The following PLA2G4E variants were observed in gnomAD, a reference collection of about 807,000 sequenced individuals.
PLA2G4E encodes the protein cytosolic phospholipase A2 epsilon.
Under a neutral mutation model 109.1 loss-of-function variants are expected in PLA2G4E, and 84 were observed. The ratio of observed to expected loss-of-function variants is 0.77; its 90% CI spans 0.65 to 0.92. The LOEUF is 0.92. Among genes scored for constraint, PLA2G4E ranks in the 40% least tolerant of loss-of-function variants. The pLI is 0.00. For missense variants in PLA2G4E, 1,057 were observed against 1,076.6 expected, an observed-to-expected ratio of 0.98 and a Z score of 0.25; for synonymous variants, 469 against 436.1, an observed-to-expected ratio of 1.08 and a Z score of -0.94.
intron 1 of PLA2G4E, among the ~76,000 whole-genome samples, chr15:42,036,260 C>T (rs1195273105): frequency 6.6e-6 from 1 of 152,214 alleles, no homozygotes; most frequent in Non-Finnish European, 1.5e-5. Flanking sequence ...TGGGGCTGGG[C>T]CAGGTCGCCC....
rs376699673 is a variant in PLA2G4E at position 42,035,992 on chromosome 15, A to G, written c.183+14529T>C. On this transcript the variant is annotated intron_variant, in intron 1 of 19. Transcript: ENST00000399518. ...TACAAATATCCATTCTGCTATAAACATGTTTTTTTTCTCTACTTTACATTA... is the reference window on the plus strand; with the variant it reads ...TACAAATATCCATTCTGCTATAAACGTGTTTTTTTTCTCTACTTTACATTA... Among the ~76,000 whole-genome samples, 332 of 123,676 alleles carry G rather than the reference A, an allele frequency of 2.7e-3. 1 individual carries two copies. The highest frequency in any genetic ancestry group is 0.012 in the African/African-American group (320 of 26,840). The allele number at this position is 123,676 out of a possible 152,430, so 81.1% of individuals were successfully genotyped here.
chr15:42,007,811 T>A, exon 3 of PLA2G4E: 1 of 1,611,248 alleles, frequency 6.2e-7, no homozygotes, highest in Non-Finnish European at 8.5e-7. Context: ...TGTCCTCAGC[T>A]TCTTCTGAGA....
intron 1 of PLA2G4E, among the ~76,000 whole-genome samples, chr15:42,025,156 A>G (rs2068682360): frequency 6.6e-6 from 1 of 151,008 alleles, no homozygotes; most frequent in Non-Finnish European, 1.5e-5. Context: ...AGATTGCACC[A>G]CTGCACTCCA....
At chr15:41,990,427 C>G (rs898911012) in intron 13 of PLA2G4E, among the ~76,000 whole-genome samples, 192 bp from the exon 14 acceptor site, 6 of 152,164 alleles carry the variant, frequency 3.9e-5, no homozygotes, top group Admixed American at 6.5e-5. Context: ...ACCACCCCCT[C>G]GGGCTGCCCA....
intron 1 of PLA2G4E, among the ~76,000 whole-genome samples, chr15:42,021,855 A>G (rs2068651659): frequency 6.6e-6 from 1 of 152,174 alleles, no homozygotes; most frequent in African/African-American, 2.4e-5. Flanking sequence ...CATAGATAGA[A>G]GTGCTTTTTT....
At chr15:42,032,141 G>T (rs1889123942) in intron 1 of PLA2G4E, among the ~76,000 whole-genome samples, 1 of 152,138 alleles carries the variant, frequency 6.6e-6, no homozygotes, top group South Asian at 2.1e-4. Flanking sequence ...GCTTCCTGAG[G>T]GCTCACCAGA....
intron 1 of PLA2G4E, among the ~76,000 whole-genome samples, chr15:42,026,929 C>T (rs1322242798): frequency 2.0e-5 from 3 of 150,360 alleles, no homozygotes; most frequent in South Asian, 2.1e-4. Flanking sequence ...GCTGAGATCA[C>T]ACCACTGCCC....
exon 15 of PLA2G4E, chr15:41,989,437 C>T (rs759318124): frequency 6.2e-7 from 1 of 1,614,032 alleles, no homozygotes; most frequent in South Asian, 1.1e-5. Context: ...AGATTCGAGA[C>T]TCCGGGATCC....
At chr15:41,985,768 A>T (rs1459901810) in intron 18 of PLA2G4E, 71 bp downstream of exon 18, 1 of 1,507,074 alleles carries the variant, frequency 6.6e-7, no homozygotes, top group East Asian at 2.4e-5. Flanking sequence ...ACAGCGAGTG[A>T]GGCCACTGAC....
At chr15:41,990,172 T>C in exon 14 of PLA2G4E, 2 of 1,613,776 alleles carry the variant, frequency 1.2e-6, no homozygotes, top group Non-Finnish European at 8.5e-7. Flanking sequence ...GTGAGGTAGA[T>C]GGGCAGGGGG....
intron 1 of PLA2G4E, among the ~76,000 whole-genome samples, chr15:42,037,773 C>A (rs2141074821): frequency 6.6e-6 from 1 of 152,342 alleles, no homozygotes; most frequent in African/African-American, 2.4e-5. Context: ...CATCTCCAAG[C>A]TTCTGGGCAC....
chr15:41,983,708 C>G, exon 20 of PLA2G4E: 1 of 1,508,468 alleles, frequency 6.6e-7, no homozygotes, highest in Non-Finnish European at 9.0e-7. Flanking sequence ...GGTCCTGCAC[C>G]TCTGATGGTA....
At chr15:42,008,501 TC>T (rs1201411349) in intron 2 of PLA2G4E, among the ~76,000 whole-genome samples, 3 of 152,132 alleles carry the variant, frequency 2.0e-5, no homozygotes, top group Non-Finnish European at 4.4e-5. Flanking sequence ...CAAGAAACCC[TC>T]CCCTCTGTGG....
intron 1 of PLA2G4E, among the ~76,000 whole-genome samples, chr15:42,027,726 C>T (rs1234413088): frequency 1.3e-5 from 2 of 152,238 alleles, no homozygotes; most frequent in Non-Finnish European, 2.9e-5. Context: ...ACCCAAGCTC[C>T]AGCTACACTG....
At chr15:42,036,883 C>A (rs1889226802) in intron 1 of PLA2G4E, among the ~76,000 whole-genome samples, 2 of 152,212 alleles carry the variant, frequency 1.3e-5, no homozygotes, top group Admixed American at 6.5e-5. Context: ...CCCGGCCTTG[C>A]AGGCTTGGAA....
At position 41,983,814 on chromosome 15, in the gene PLA2G4E, G is replaced by A. The variant is rs371871744; in HGVS notation, c.2547C>T (p.Leu849=). 1.3e-4 allele frequency: 206 copies of A among 1,610,520 alleles called. No homozygotes were observed. The Middle Eastern group carries it at 3.0e-3, about 23-fold the overall frequency. The change falls in exon 20 of 20, where the codon CTC becomes CTT. Residue 849 remains leucine (L), a synonymous_variant. Coordinates refer to ENST00000399518, the Ensembl canonical transcript of PLA2G4E. ...TCTCCACTGCGAGCCGCAGAGCCTG[G>A]AGGAGAGTGTCCTTATTATTCAGGA...
Position 41,984,487 on chromosome 15 carries a change from C to T in PLA2G4E, c.2335G>A (p.Val779Met), listed in dbSNP as rs778619405. ...TCATTGATGAGTGGGAAGAAAGTCA[C>T]GATGGGGGCATCGGGTTCCTGGGGG... The change falls in exon 19 of 20, where the codon GTG (valine) becomes ATG (methionine). Residue 779 changes from valine to methionine, a missense_variant. Physicochemically the swap from Val to Met is conservative, Grantham distance 21 (BLOSUM62 1). Transcript: ENST00000399518. 22 of 1,613,752 alleles carry T rather than the reference C, an allele frequency of 1.4e-5. No individual in the cohort carries two copies. Among genetic ancestry groups the T allele is most frequent in the Non-Finnish European group, 1.6e-5 (19 of 1,179,838 alleles).
intron 1 of PLA2G4E, among the ~76,000 whole-genome samples, chr15:42,042,238 C>A (rs141506114): frequency 6.6e-6 from 1 of 151,950 alleles, no homozygotes; most frequent in Admixed American, 6.5e-5. Context: ...TTTTACAATA[C>A]GAGCTTAATT....
chr15:42,002,384 G>A (rs1338423586), intron 6 of PLA2G4E, among the ~76,000 whole-genome samples: 1 of 152,012 alleles, frequency 6.6e-6, no homozygotes, highest in Non-Finnish European at 1.5e-5. Context: ...TTATTGGGGA[G>A]GCTCTTAAGG....
Sources: gnomAD v4.1 joint callset for allele counts (sites outside exome capture counted in the v4.1 genomes callset) on GRCh38, gnomAD v4.1.1 for gene constraint, MANE v1.5 for transcripts, NCBI Gene and HGNC (gene_info 2026-07-23, HGNC 2026-07-21) for gene names.